Variants in LRBA observed in about 807,000 individuals in gnomAD.
LRBA encodes the protein LPS responsive beige-like anchor protein, also known as lipopolysaccharide-responsive and beige-like anchor protein.
LRBA carries 176 observed loss-of-function variants against 330.0 expected under a neutral mutation model. The ratio of observed to expected loss-of-function variants is 0.53; its 90% confidence interval spans 0.47 to 0.60. The LOEUF (loss-of-function observed/expected upper bound fraction) is 0.60. Ranked by LOEUF, LRBA falls within the 20% of genes least tolerant of loss-of-function variation. The pLI is 0.00. For synonymous variants in LRBA, 1,230 were observed against 1,193.0 expected (o/e 1.03, Z -0.64); for missense variants, 3,259 against 3,444.8 (o/e 0.95, Z 1.35).
intron 38 of LRBA, among the ~76,000 whole-genome samples, chr4:150,592,630 T>G (rs1392501273): frequency 6.6e-6 from 1 of 152,126 alleles, no homozygotes; most frequent in Non-Finnish European, 1.5e-5. Flanking sequence ...AGTGGCTTTA[T>G]TTATTTTTTA....
rs1445109066 is a variant in LRBA at position 150,511,037 on chromosome 4, T to C, written c.6331-20002A>G. 3.3e-5 allele frequency among the ~76,000 whole-genome samples: 5 copies of C among 152,006 alleles called. No homozygotes were observed. In the South Asian group the frequency reaches 8.3e-4, roughly 25 times the overall value. On this transcript the variant is annotated intron_variant, in intron 40 of 56. Transcript: ENST00000651943. Reference sequence around the variant, plus strand: ...TGCCTGGCTAATTTTTTTGTATTTTTAGTAGAGACAGGGTTTCACCATGTT... The same window carrying C: ...TGCCTGGCTAATTTTTTTGTATTTTCAGTAGAGACAGGGTTTCACCATGTT...
At chr4:150,777,565 T>C (rs912548574) in intron 34 of LRBA, among the ~76,000 whole-genome samples, 1 of 152,050 alleles carries the variant, frequency 6.6e-6, no homozygotes, top group Non-Finnish European at 1.5e-5. Flanking sequence ...ATTACCTAAA[T>C]AGTTGACAGA....
In LRBA at chr4:150,761,768, A is replaced by C; in HGVS notation, c.5645+15T>G. On this transcript the variant is annotated intron_variant, in intron 35 of 56. Transcript: ENST00000651943. Reference sequence around the variant, plus strand: ...TAAAGAAAAATACAAAATGAATTAAAATAAAATAAATTACCTTCCTTCATT... The same window carrying C: ...TAAAGAAAAATACAAAATGAATTAACATAAAATAAATTACCTTCCTTCATT... 1 of 1,494,536 alleles carries C rather than the reference A, an allele frequency of 6.7e-7. No homozygotes were observed. The highest frequency in any genetic ancestry group is 9.1e-7 in the Non-Finnish European group (1 of 1,103,026). The allele number at this position is 1,494,536 out of a possible 1,614,324, so 92.6% of individuals were successfully genotyped here. A position where few individuals can be genotyped will look rare whatever the true frequency, so the allele number is the denominator to read the frequency against.
intron 36 of LRBA, among the ~76,000 whole-genome samples, chr4:150,722,848 G>GC (rs1263505653): frequency 6.6e-6 from 1 of 152,034 alleles, no homozygotes; most frequent in Non-Finnish European, 1.5e-5. Context: ...TGCCACCTCT[G>GC]CCCCATCGCC....
chr4:150,732,963 T>C (rs1015286137), intron 36 of LRBA, among the ~76,000 whole-genome samples: 4 of 152,200 alleles, frequency 2.6e-5, no homozygotes, highest in African/African-American at 9.6e-5. Flanking sequence ...TATATCCCAT[T>C]ACTTTTTCAC....
chr4:150,560,073 T>C (rs1475047640), intron 40 of LRBA, among the ~76,000 whole-genome samples: 1 of 147,228 alleles, frequency 6.8e-6, no homozygotes, highest in Non-Finnish European at 1.5e-5. Context: ...TGATTACTAT[T>C]ATAGTTATAT....
At chr4:150,614,393 A>T (rs1775566702) in intron 37 of LRBA, among the ~76,000 whole-genome samples, 1 of 152,242 alleles carries the variant, frequency 6.6e-6, no homozygotes, top group Non-Finnish European at 1.5e-5. Flanking sequence ...GAAAGTGGAA[A>T]AAAAAGTAAG....
intron 34 of LRBA, among the ~76,000 whole-genome samples, chr4:150,784,327 C>T (rs1738709514): frequency 6.6e-6 from 1 of 152,140 alleles, no homozygotes; most frequent in South Asian, 2.1e-4. Flanking sequence ...TTGTAAAAGT[C>T]CTGGCTCTTT....
chr4:150,748,127 A>G (rs1733003574), intron 35 of LRBA, among the ~76,000 whole-genome samples: 1 of 152,218 alleles, frequency 6.6e-6, no homozygotes, highest in Non-Finnish European at 1.5e-5. Context: ...CCTCACCTCC[A>G]AATCCCATTC....
At chr4:151,009,467 T>C (rs1744545675) in intron 2 of LRBA, among the ~76,000 whole-genome samples, 1 of 149,574 alleles carries the variant, frequency 6.7e-6, no homozygotes, top group Admixed American at 6.7e-5. Flanking sequence ...GAGAATTGCT[T>C]GAACCCAGGA....
rs537922725 is a variant in LRBA, at chr4:150,689,170, G to A, written c.5755-5453C>T. ...TCATGTCCTTTTCAGGGACGTGGAT[G>A]AAGCTGGAAACCATCATTCTCAGCA... On this transcript the variant is annotated intron_variant, in intron 36 of 56. Coordinates refer to ENST00000651943, the MANE Select transcript of LRBA (RefSeq NM_001364905.1). 1.8e-4 allele frequency among the ~76,000 whole-genome samples: 28 copies of A among 152,250 alleles called. 1 individual carries two copies. In the South Asian group the frequency reaches 5.8e-3, roughly 32 times the overall value.
chr4:150,471,636 T>A lies in LRBA; in HGVS notation c.6655A>T (p.Asn2219Tyr). 1 of 1,584,884 alleles carries A rather than the reference T, an allele frequency of 6.3e-7. No homozygotes were observed. Among genetic ancestry groups the A allele is most frequent in the East Asian group, 2.2e-5 (1 of 44,476 alleles). The change falls in exon 43 of 57, where the codon AAC (asparagine) becomes TAC (tyrosine). Residue 2219 changes from asparagine (N) to tyrosine (Y), a missense_variant. By Grantham distance (143) the Asn-to-Tyr change is moderately radical. Transcript: ENST00000651943. ...GGAATTAGGTTACCTGCTATCGTGT[T>A]GAGAAACATCAAGTACTCAAAATTA... ...ISNFEYLMFL[N>Y]TIAGRSYNDL...
chr4:150,417,492 G>C (rs548379454), intron 46 of LRBA, among the ~76,000 whole-genome samples: 58 of 152,206 alleles, frequency 3.8e-4, no homozygotes, highest in African/African-American at 1.3e-3. Context: ...ACAATCAAAA[G>C]CAGCATTTGC....
intron 40 of LRBA, among the ~76,000 whole-genome samples, chr4:150,546,616 A>G (rs2152236364): frequency 6.6e-6 from 1 of 152,362 alleles, no homozygotes; most frequent in East Asian, 1.9e-4. Context: ...TAATTGGAAG[A>G]TAAGTGCAGT....
At chr4:150,273,314 C>G (rs1746370425) in intron 56 of LRBA, among the ~76,000 whole-genome samples, 1 of 152,148 alleles carries the variant, frequency 6.6e-6, no homozygotes, top group African/African-American at 2.4e-5. Context: ...GAAGGAAGCA[C>G]TAGACATGGA....
chr4:150,985,765 T>C (rs1288538933), intron 2 of LRBA, among the ~76,000 whole-genome samples: 1 of 152,192 alleles, frequency 6.6e-6, no homozygotes, highest in African/African-American at 2.4e-5. Flanking sequence ...CCCAAAGTGC[T>C]GGGATTACAG....
At chr4:150,436,313 A>C (rs1751105022) in intron 45 of LRBA, among the ~76,000 whole-genome samples, 1 of 152,208 alleles carries the variant, frequency 6.6e-6, no homozygotes, top group African/African-American at 2.4e-5. Flanking sequence ...TTTCTTGTTT[A>C]ACCAATATAT....
chr4:150,422,653 AC>A (rs759047086), intron 46 of LRBA: 1 of 639,462 alleles, frequency 1.6e-6, no homozygotes, highest in Non-Finnish European at 2.9e-6. Context: ...CCTTAGAAGA[AC>A]TGGCACTGCT....
chr4:150,267,721 T>C (rs756111421), intron 56 of LRBA, among the ~76,000 whole-genome samples: 2 of 152,078 alleles, frequency 1.3e-5, no homozygotes, highest in Non-Finnish European at 2.9e-5. Flanking sequence ...AACCCAAAAA[T>C]TGGTTCTTTG....
Sources: allele counts gnomAD v4.1 joint callset (sites outside exome capture counted in the v4.1 genomes callset), GRCh38; gene constraint gnomAD v4.1.1; transcripts MANE v1.5; gene names NCBI Gene and HGNC (gene_info 2026-07-23, HGNC 2026-07-21).